Variants in PLEKHA7 observed in about 807,000 individuals in gnomAD.
The protein encoded by PLEKHA7 is pleckstrin homology domain containing A7.
Under a neutral mutation model 170.0 loss-of-function variants are expected in PLEKHA7, and 104 were observed. The ratio of observed to expected loss-of-function variants is 0.61; its 90% CI spans 0.52 to 0.72. PLEKHA7 has a LOEUF of 0.72. Ranked by LOEUF, PLEKHA7 falls within the 30% of genes least tolerant of loss-of-function variation. The pLI, the probability that PLEKHA7 is intolerant of heterozygous loss-of-function variation, is 0.00. For synonymous variants in PLEKHA7, 648 were observed against 660.8 expected, an observed-to-expected ratio of 0.98 and a Z score of 0.30; for missense variants, 1,615 against 1,671.7, an observed-to-expected ratio of 0.97 and a Z score of 0.59.
intron 3 of PLEKHA7, among the ~76,000 whole-genome samples, chr11:16,995,921 C>T (rs1864312669): frequency 6.6e-6 from 1 of 152,130 alleles, no homozygotes; most frequent in Admixed American, 6.5e-5. Flanking sequence ...GTTCATTGCC[C>T]TCCCTTAGAA....
chr11:16,788,330 A>G (rs571171407), intron 23 of PLEKHA7: 1 of 152,664 alleles, frequency 6.6e-6, no homozygotes, highest in Admixed American at 6.5e-5. Context: ...GGCCAGTTAG[A>G]GCATGTTCAA....
At chr11:16,906,042 C>G (rs934810590) in intron 3 of PLEKHA7, among the ~76,000 whole-genome samples, 2 of 152,156 alleles carry the variant, frequency 1.3e-5, no homozygotes, top group African/African-American at 4.8e-5. Context: ...ACAGCCTAAC[C>G]AGCTGTCACA....
At chr11:16,909,771 T>C (rs1762508893) in intron 3 of PLEKHA7, among the ~76,000 whole-genome samples, 1 of 152,250 alleles carries the variant, frequency 6.6e-6, no homozygotes, top group Non-Finnish European at 1.5e-5. Flanking sequence ...CTTGCTTCAC[T>C]GCCCACATTC....
chr11:17,012,803 C>T (rs1320572594), intron 3 of PLEKHA7, among the ~76,000 whole-genome samples: 1 of 152,218 alleles, frequency 6.6e-6, no homozygotes, highest in East Asian at 1.9e-4. Context: ...CCCCAGCCAA[C>T]TCCCCAACTT....
intron 10 of PLEKHA7, among the ~76,000 whole-genome samples, chr11:16,822,198 A>G (rs574027728): frequency 2.0e-5 from 3 of 152,146 alleles, no homozygotes; most frequent in Admixed American, 2.0e-4. Flanking sequence ...ACAACTTATC[A>G]CTGCATATCA....
chr11:16,805,789 CA>C (rs11339921), intron 13 of PLEKHA7, among the ~76,000 whole-genome samples: 76,123 of 111,098 alleles, frequency 0.69, 24,652 homozygotes, highest in South Asian at 0.76. Context: ...GACTCCATGT[CA>C]AAAAAAAAAA....
rs193234946 is a variant in PLEKHA7, at chr11:16,908,837, T to A, written c.222-37655A>T. Among the ~76,000 whole-genome samples the A allele has an allele frequency of 1.1e-4, 16 of 152,338 alleles. No individual in the cohort carries two copies. The East Asian group carries it at 2.9e-3, about 28-fold the overall frequency. ...ATCATTAATGCTACCCAGCCTGTGT[T>A]ATTTTGTAACGCCAGCCCTAGCAGA... On this transcript the variant is annotated intron_variant, in intron 3 of 26. Transcript: ENST00000531066.
rs113409610 is a variant in PLEKHA7, at chr11:16,817,109, G to T, written c.1557C>A (p.Thr519=). 3 of 1,614,056 alleles carry T rather than the reference G, an allele frequency of 1.9e-6. No homozygotes were observed. Among genetic ancestry groups the T allele is most frequent in the South Asian group, 2.2e-5 (2 of 91,078 alleles). Residue 519 remains threonine, a synonymous_variant, in exon 11 of 27, where the codon ACC becomes ACA. Coordinates refer to ENST00000531066, the MANE Select transcript of PLEKHA7 (RefSeq NM_001329630.2). This position sits in a 1 kb window ranked among gnomAD's most constrained non-coding sequence, Gnocchi z 4.4. Reference sequence around the variant, plus strand: ...GCTGCCACTCGTAGAGCTGCCACACGGTGCCATCCCGGTGCGCCCGGCGCT... The same window carrying T: ...GCTGCCACTCGTAGAGCTGCCACACTGTGCCATCCCGGTGCGCCCGGCGCT... The part of the protein sequence containing the change: ...SEERRAHRDG[T]VWQLYEWQQR...
intron 3 of PLEKHA7, among the ~76,000 whole-genome samples, chr11:16,896,956 G>T (rs2135997685): frequency 6.6e-6 from 1 of 152,270 alleles, no homozygotes; most frequent in South Asian, 2.1e-4. Context: ...CTGCCTCATT[G>T]TGGTTGTTGT....
At chr11:16,881,147 C>G (rs994506214) in intron 3 of PLEKHA7, 1 of 152,190 alleles carries the variant, frequency 6.6e-6, no homozygotes, top group African/African-American at 2.4e-5. Flanking sequence ...TCCCAACCAT[C>G]GAAAACTCCC....
In PLEKHA7 at chr11:16,906,351, C is replaced by T. The variant is rs1422050416; in HGVS notation, c.222-35169G>A. On this transcript the variant is annotated intron_variant, in intron 3 of 26. Transcript: ENST00000531066. ...CACTCTCCCTCTCCCTCTCTTTCCA[C>T]GGTCTCCCCCTGATGCCGAGCCAAA... Among the ~76,000 whole-genome samples the T allele has an allele frequency of 1.4e-5, 2 of 140,502 alleles. 1 individual carries two copies. The highest frequency in any genetic ancestry group is 4.8e-4 in the South Asian group (2 of 4,160). The allele number at this position is 140,502 out of a possible 152,430, so 92.2% of individuals were successfully genotyped here. A position where few individuals can be genotyped will look rare whatever the true frequency, so the allele number is the denominator to read the frequency against.
In PLEKHA7 at chr11:16,801,738, A is replaced by T. The variant is rs759483933; in HGVS notation, c.2237T>A (p.Ile746Asn). The T allele has an allele frequency of 1.2e-6, 2 of 1,613,912 alleles. No homozygotes were observed. Among genetic ancestry groups the T allele is most frequent in the Non-Finnish European group, 1.7e-6 (2 of 1,180,006 alleles). ...CTGCAGCAACTTCTGCTGGTAGGCA[A>T]TCTTCTCCAAGTGCTGGGGCTGGTC... ...YRDQPQHLEK[I>N]AYQQKLLQED... Residue 746 changes from isoleucine to asparagine, a missense_variant, in exon 16 of 27, where the codon ATT becomes AAT. Transcript: ENST00000531066.
At chr11:16,799,469 C>T (rs1177642594) in intron 17 of PLEKHA7, among the ~76,000 whole-genome samples, 1 of 152,102 alleles carries the variant, frequency 6.6e-6, no homozygotes, top group Non-Finnish European at 1.5e-5. Flanking sequence ...TTGCTTCTTA[C>T]TGTTTTGGTC....
intron 3 of PLEKHA7, among the ~76,000 whole-genome samples, chr11:16,890,082 T>A (rs1173780576): frequency 6.6e-6 from 1 of 152,154 alleles, no homozygotes; most frequent in Non-Finnish European, 1.5e-5. Context: ...AAATAAAATG[T>A]TTCCTAGACA....
intron 3 of PLEKHA7, among the ~76,000 whole-genome samples, chr11:16,905,229 G>C (rs941703314): frequency 1.3e-5 from 2 of 152,070 alleles, no homozygotes; most frequent in Non-Finnish European, 2.9e-5. Context: ...TCCAACCTGG[G>C]TGTCAGAGCA....
rs527758626 is a variant in PLEKHA7 at position 16,957,278 on chromosome 11, A to C, written c.221+56711T>G. The stretch of plus-strand genomic sequence containing the variant: ...CTTATGGCATTAAAAAACTGGAAAC[A>C]ATCTCAGTATCCAAAAACAAGGAAT... On this transcript the variant is annotated intron_variant, in intron 3 of 26. Coordinates refer to ENST00000531066, the MANE Select transcript of PLEKHA7 (RefSeq NM_001329630.2). Among the ~76,000 whole-genome samples, 12 of 152,386 alleles carry C rather than the reference A, an allele frequency of 7.9e-5. No individual in the cohort carries two copies. In the South Asian group the frequency reaches 2.5e-3, roughly 32 times the overall value.
chr11:16,966,054 G>A (rs768200015), intron 3 of PLEKHA7, among the ~76,000 whole-genome samples: 7 of 152,120 alleles, frequency 4.6e-5, no homozygotes, highest in South Asian at 2.1e-4. Flanking sequence ...GTGGTGGCGC[G>A]TGCCTATAGT....
intron 3 of PLEKHA7, among the ~76,000 whole-genome samples, chr11:16,919,641 G>A (rs1858941286): frequency 6.6e-6 from 1 of 151,838 alleles, no homozygotes; most frequent in Non-Finnish European, 1.5e-5. Context: ...TCCAGTCTGG[G>A]TAACAGAGCA....
intron 21 of PLEKHA7, 186 bp from the exon 22 acceptor site, chr11:16,790,064 G>A (rs1847733443): frequency 1.6e-6 from 1 of 606,244 alleles, no homozygotes; most frequent in East Asian, 2.8e-5. Context: ...CCAGCCCAGG[G>A]GTGACCTTTG....
Sources: allele counts gnomAD v4.1 joint callset (sites outside exome capture counted in the v4.1 genomes callset), GRCh38; gene constraint gnomAD v4.1.1; non-coding constraint Gnocchi (gnomAD v3.1); transcripts MANE v1.5; gene names NCBI Gene and HGNC (gene_info 2026-07-23, HGNC 2026-07-21).